Variants in IGSF21 observed in about 807,000 individuals in gnomAD.
IGSF21 encodes immunoglobulin superfamily member 21.
IGSF21 carries 28 observed loss-of-function variants against 46.8 expected under a neutral mutation model. The ratio of observed to expected loss-of-function variants is 0.60; its 90% CI spans 0.44 to 0.82. The LOEUF (loss-of-function observed/expected upper bound fraction) is 0.82. Among genes scored for constraint, IGSF21 ranks in the 40% least tolerant of loss-of-function variants. The pLI, the probability that IGSF21 is intolerant of heterozygous loss-of-function variation, is 0.00. For synonymous variants in IGSF21, 284 were observed against 273.6 expected (o/e 1.04, Z -0.38); for missense variants, 624 against 665.5 (o/e 0.94, Z 0.69).
At chr1:18,130,489 G>A (rs2086309128) in intron 1 of IGSF21, among the ~76,000 whole-genome samples, 1 of 152,090 alleles carries the variant, frequency 6.6e-6, no homozygotes. Flanking sequence ...CTGATTCTGT[G>A]TCTCTCTCTT....
At chr1:18,127,021 C>T (rs1434996376) in intron 1 of IGSF21, among the ~76,000 whole-genome samples, 4 of 152,210 alleles carry the variant, frequency 2.6e-5, no homozygotes, top group African/African-American at 7.2e-5. Context: ...CATGCAAATA[C>T]AAGCCCAGGC....
At chr1:18,279,689 G>A (rs567376974) in intron 2 of IGSF21, among the ~76,000 whole-genome samples, 2 of 152,356 alleles carry the variant, frequency 1.3e-5, no homozygotes, top group East Asian at 1.9e-4. Flanking sequence ...GCTGGAGCTC[G>A]TGGTAAAGTG....
intron 1 of IGSF21, among the ~76,000 whole-genome samples, chr1:18,121,557 C>T (rs1484168671): frequency 6.6e-6 from 1 of 152,130 alleles, no homozygotes; most frequent in Non-Finnish European, 1.5e-5. Context: ...ATACCAGTGG[C>T]AATTTCTTCC....
intron 1 of IGSF21, among the ~76,000 whole-genome samples, chr1:18,201,704 T>C (rs9725718): frequency 0.019 from 2,820 of 152,202 alleles, 89 homozygotes; most frequent in African/African-American, 0.064. Context: ...TGCCCTCTCA[T>C]TGGGGTGTGT....
At chr1:18,326,198 C>CAGGCATT (rs2085656585) in intron 3 of IGSF21, among the ~76,000 whole-genome samples, 1 of 152,194 alleles carries the variant, frequency 6.6e-6, no homozygotes, top group Non-Finnish European at 1.5e-5. Context: ...GCAAATGTTG[C>CAGGCATT]CCCCATATCA....
intron 4 of IGSF21, among the ~76,000 whole-genome samples, chr1:18,342,755 G>A (rs1259317407): frequency 1.3e-5 from 2 of 152,150 alleles, no homozygotes; most frequent in Non-Finnish European, 2.9e-5. Context: ...TATTGTAGCA[G>A]GTACCAGTAC....
chr1:18,206,341 T>A (rs2084322563), intron 1 of IGSF21, among the ~76,000 whole-genome samples: 1 of 151,756 alleles, frequency 6.6e-6, no homozygotes, highest in African/African-American at 2.4e-5. Context: ...TTGAGCCCAG[T>A]AGTTCATGAC....
In IGSF21 at chr1:18,225,422, C is replaced by A. The variant is rs78477663; in HGVS notation, c.71-2476C>A. Among the ~76,000 whole-genome samples, 1,331 of 152,256 alleles carry A rather than the reference C, an allele frequency of 8.7e-3. 13 individuals carry two copies. Among genetic ancestry groups the A allele is most frequent in the African/African-American group, 0.03 (1,261 of 41,542 alleles). ...GCCCTCCCCGCCACCGCCACACTTACACTTGCAATTCCCTCATGGCTTGCC... is the reference window on the plus strand; with the variant it reads ...GCCCTCCCCGCCACCGCCACACTTAAACTTGCAATTCCCTCATGGCTTGCC... On this transcript the variant is annotated intron_variant, in intron 1 of 9. Coordinates refer to ENST00000251296, the MANE Select transcript of IGSF21 (RefSeq NM_032880.5).
intron 1 of IGSF21, among the ~76,000 whole-genome samples, chr1:18,192,555 A>AT (rs2086967929): frequency 6.6e-6 from 1 of 152,196 alleles, no homozygotes; most frequent in Non-Finnish European, 1.5e-5. Context: ...GGGTAAGGCC[A>AT]TTGCCAGGCT....
At chr1:18,267,571 C>T (rs1349360446) in intron 2 of IGSF21, among the ~76,000 whole-genome samples, 1 of 152,176 alleles carries the variant, frequency 6.6e-6, no homozygotes, top group Non-Finnish European at 1.5e-5. Flanking sequence ...GGAGAAAGGC[C>T]TCAGGCCACT....
At chr1:18,277,686 A>T (rs2085116106) in intron 2 of IGSF21, among the ~76,000 whole-genome samples, 1 of 152,182 alleles carries the variant, frequency 6.6e-6, no homozygotes, top group African/African-American at 2.4e-5. Flanking sequence ...ATGGAATACT[A>T]CTCAGTGATT....
chr1:18,309,635 C>T (rs1054956314), intron 3 of IGSF21, among the ~76,000 whole-genome samples: 4 of 152,204 alleles, frequency 2.6e-5, no homozygotes, highest in African/African-American at 9.6e-5. Flanking sequence ...GGAGCCCAGT[C>T]CTCTGCACCC....
At chr1:18,253,753 A>T (rs2084864428) in intron 2 of IGSF21, among the ~76,000 whole-genome samples, 1 of 152,206 alleles carries the variant, frequency 6.6e-6, no homozygotes, top group Non-Finnish European at 1.5e-5. Flanking sequence ...TCTGACAGGA[A>T]CAACCCCGCA....
At chr1:18,369,704 A>G (rs2086205095) in intron 6 of IGSF21, among the ~76,000 whole-genome samples, 1 of 152,224 alleles carries the variant, frequency 6.6e-6, no homozygotes, top group South Asian at 2.1e-4. Context: ...TTTGAAGATC[A>G]GGCCAACGAG....
intron 2 of IGSF21, among the ~76,000 whole-genome samples, chr1:18,265,960 G>T (rs1311359352): frequency 6.6e-6 from 1 of 152,170 alleles, no homozygotes; most frequent in African/African-American, 2.4e-5. Context: ...GCCCACTGAG[G>T]GAGAGGCTTT....
At chr1:18,182,442 G>T (rs897595215) in intron 1 of IGSF21, among the ~76,000 whole-genome samples, 5 of 152,082 alleles carry the variant, frequency 3.3e-5, no homozygotes, top group African/African-American at 7.2e-5. Flanking sequence ...GCCTCCCAAA[G>T]TGCTAGGATT....
rs375455044 is a variant in IGSF21, at chr1:18,142,345, G to C, written c.70+34147G>C. Among the ~76,000 whole-genome samples the C allele has an allele frequency of 6.6e-5, 10 of 152,250 alleles. No individual in the cohort carries two copies. The South Asian group carries it at 1.0e-3, about 16-fold the overall frequency. On this transcript the variant is annotated intron_variant, in intron 1 of 9. Transcript: ENST00000251296. ...TGAGGCCCAGAGTGGTCAATTAACTGGTCCAACCGGGATTAGAACTCAGGC... is the reference window on the plus strand; with the variant it reads ...TGAGGCCCAGAGTGGTCAATTAACTCGTCCAACCGGGATTAGAACTCAGGC...
chr1:18,116,677 G>A (rs1369543877), intron 1 of IGSF21, among the ~76,000 whole-genome samples: 5 of 152,204 alleles, frequency 3.3e-5, no homozygotes, highest in African/African-American at 7.2e-5. Flanking sequence ...GAGACCTCTC[G>A]GGGAGTTTCA....
chr1:18,304,706 CAT>C (rs60672994), intron 3 of IGSF21, among the ~76,000 whole-genome samples: 39,705 of 126,446 alleles, frequency 0.31, 5,506 homozygotes, highest in African/African-American at 0.41. Context: ...TACACACACA[CAT>C]ACACACACAC....
Sources: gnomAD v4.1 joint callset for allele counts (sites outside exome capture counted in the v4.1 genomes callset) on GRCh38, gnomAD v4.1.1 for gene constraint, MANE v1.5 for transcripts, NCBI Gene and HGNC (gene_info 2026-07-23, HGNC 2026-07-21) for gene names.